The following MYH13 variants were observed in gnomAD, a reference collection of about 807,000 sequenced individuals.
MYH13 encodes the protein myosin heavy chain 13, also known as myosin-13.
MYH13 carries 177 observed loss-of-function variants against 232.1 expected under a neutral mutation model. That is an observed-to-expected ratio of 0.76 (90% CI 0.67 to 0.86). The LOEUF (loss-of-function observed/expected upper bound fraction) is 0.86. Among genes scored for constraint, MYH13 ranks in the 40% least tolerant of loss-of-function variants. The pLI is 0.00. For synonymous variants in MYH13, 884 were observed against 923.5 expected (o/e 0.96, Z 0.78); for missense variants, 2,246 against 2,405.9 (o/e 0.93, Z 1.39).
At chr17:10,366,170 C>T (rs1347941812) in intron 2 of MYH13, among the ~76,000 whole-genome samples, 1 of 151,942 alleles carries the variant, frequency 6.6e-6, no homozygotes, top group Non-Finnish European at 1.5e-5. Flanking sequence ...GACTGTTCCT[C>T]TTCTCAGAAT....
In MYH13 at chr17:10,340,173, A is replaced by G. The variant is rs1156801328; in HGVS notation, c.2033T>C (p.Ile678Thr). 6.2e-7 allele frequency: 1 copy of G among 1,613,888 alleles called. No individual in the cohort carries two copies. The highest frequency in any genetic ancestry group is 1.1e-5 in the South Asian group (1 of 91,024). ...ACCAGGAGTCTTGGTCTCATTGGGAATCAGACATCGTACAAAGTGAGGGTG... is the reference window on the plus strand; with the variant it reads ...ACCAGGAGTCTTGGTCTCATTGGGAGTCAGACATCGTACAAAGTGAGGGTG... ...STHPHFVRCLIPNETKTPGVM... is the reference protein window; with the variant it reads ...STHPHFVRCLTPNETKTPGVM... Residue 678 changes from isoleucine (I) to threonine (T), a missense_variant, in exon 18 of 41, where the codon ATT (isoleucine) becomes ACT (threonine). Transcript: ENST00000252172.
chr17:10,323,409 A>G (rs1907050990), intron 23 of MYH13, among the ~76,000 whole-genome samples: 1 of 152,096 alleles, frequency 6.6e-6, no homozygotes, highest in Non-Finnish European at 1.5e-5. Flanking sequence ...GAAGAAGAAT[A>G]TGAAACAGTC....
intron 18 of MYH13, among the ~76,000 whole-genome samples, chr17:10,334,794 G>A (rs1483403997): frequency 1.3e-5 from 2 of 152,124 alleles, no homozygotes; most frequent in Admixed American, 6.5e-5. Flanking sequence ...CAAGAGAATC[G>A]CTTGAACCCA....
In MYH13 at chr17:10,321,931, T is replaced by C. The variant is rs560444747; in HGVS notation, c.2935-223A>G. Among the ~76,000 whole-genome samples, 5 of 152,330 alleles carry C rather than the reference T, an allele frequency of 3.3e-5. No individual in the cohort carries two copies. The South Asian group carries it at 1.0e-3, about 32-fold the overall frequency. ...TAGGATTATTCATTTAAGGAGGGCA[T>C]TATATTTTACAAGGAAGGGCGCTTT... On this transcript the variant is annotated intron_variant, in intron 23 of 40. Transcript: ENST00000252172.
In MYH13 at chr17:10,340,352, G is replaced by T; in HGVS notation, c.1944C>A (p.Phe648Leu). 6.2e-7 allele frequency: 1 copy of T among 1,613,964 alleles called. No individual in the cohort carries two copies. The highest frequency in any genetic ancestry group is 1.7e-4 in the Middle Eastern group (1 of 6,060). Residue 648 changes from phenylalanine (F) to leucine (L), a missense_variant, in exon 17 of 41, where the codon TTC (phenylalanine) becomes TTA (leucine). By Grantham distance (22) the Phe-to-Leu change is conservative (BLOSUM62 0). Coordinates refer to ENST00000252172, the MANE Select transcript of MYH13 (RefSeq NM_003802.3). ...CCCTGAACACGGCCGACACGGTCTG[G>T]AAAGAGGAGCCCTTCTTCTTCCCGC... ...KKGGKKKGSSFQTVSAVFREN... is the reference protein window; with the variant it reads ...KKGGKKKGSSLQTVSAVFREN...
At position 10,357,799 on chromosome 17, in the gene MYH13, G is replaced by T. The variant is rs778748951; in HGVS notation, c.674C>A (p.Ala225Asp). The T allele has an allele frequency of 1.9e-6, 3 of 1,613,840 alleles. No individual in the cohort carries two copies. In the South Asian group the frequency reaches 3.3e-5, roughly 18 times the overall value. ...TCCAAAGGCCTCCAGCAGTGGGTTG[G>T]CCTGGATGATCTGATCCTCTAGGGT... is the stretch of plus-strand genomic sequence containing the variant. ...QGTLEDQIIQ[A>D]NPLLEAFGNA... is the part of the protein sequence containing the mutation. The change falls in exon 8 of 41, where the codon GCC becomes GAC. Residue 225 changes from alanine to aspartate, a missense_variant. Coordinates refer to ENST00000252172, the MANE Select transcript of MYH13 (RefSeq NM_003802.3).
chr17:10,336,986 C>T (rs1010086349), intron 18 of MYH13, among the ~76,000 whole-genome samples: 28 of 151,162 alleles, frequency 1.9e-4, no homozygotes, highest in Non-Finnish European at 3.2e-4. Context: ...GGTGCAGTCT[C>T]GGCTCACTGC....
intron 18 of MYH13, among the ~76,000 whole-genome samples, chr17:10,335,552 A>G (rs2071566767): frequency 1.3e-5 from 2 of 152,188 alleles, no homozygotes; most frequent in Admixed American, 1.3e-4. Flanking sequence ...CAGGAGTTCG[A>G]GACCACCCTG....
intron 35 of MYH13, 145 bp from the exon 36 acceptor site, chr17:10,307,209 G>A (rs1283686349): frequency 1.0e-6 from 1 of 988,388 alleles, no homozygotes; most frequent in Non-Finnish European, 1.4e-6. Flanking sequence ...GTACAGTACT[G>A]TACATTCTTT....
At chr17:10,345,746 GCA>G (rs2071659319) in intron 13 of MYH13, 130 bp from the exon 14 acceptor site, 1 of 1,507,114 alleles carries the variant, frequency 6.6e-7, no homozygotes, top group Non-Finnish European at 9.1e-7. Flanking sequence ...TGTAATCCCA[GCA>G]CTTTGGGAGG....
In MYH13 at chr17:10,323,925, T is replaced by A; in HGVS notation, c.2934+97A>T. 3.4e-6 allele frequency: 5 copies of A among 1,489,376 alleles called. No homozygotes were observed. The Admixed American group carries it at 1.1e-4, about 34-fold the overall frequency. 92.3% of individuals were successfully genotyped at this position (1,489,376 alleles called of 1,614,324 possible). On this transcript the variant is annotated intron_variant, in intron 23 of 40. Transcript: ENST00000252172. ...CCAGCCTCTCATTTCTGGGCAATGT[T>A]ATATTGACTGGACTCCTACGCCACC...
At chr17:10,313,014 C>T in intron 30 of MYH13, 144 bp downstream of exon 30, 2 of 1,364,458 alleles carry the variant, frequency 1.5e-6, no homozygotes, top group Non-Finnish European at 2.0e-6. Flanking sequence ...ACAGGGAGAC[C>T]CCCAGAGGGT....
intron 27 of MYH13, among the ~76,000 whole-genome samples, chr17:10,317,008 C>T (rs547256342): frequency 1.3e-5 from 2 of 152,244 alleles, no homozygotes; most frequent in South Asian, 2.1e-4. Flanking sequence ...AGTTGAAACG[C>T]GATGGCAGCT....
intron 12 of MYH13, 38 bp from the exon 13 acceptor site, chr17:10,346,836 G>A: frequency 6.7e-7 from 1 of 1,503,354 alleles, no homozygotes; most frequent in Non-Finnish European, 9.2e-7. Context: ...TGCAAAAACA[G>A]TAGCTGCTAA....
At position 10,306,220 on chromosome 17, in the gene MYH13, A is replaced by G. The variant is rs959626330; in HGVS notation, c.5466+239T>C. 2.3e-5 allele frequency among the ~76,000 whole-genome samples: 3 copies of G among 129,944 alleles called. No homozygotes were observed. Among genetic ancestry groups the G allele is most frequent in the African/African-American group, 8.7e-5 (3 of 34,444 alleles). 85.2% of individuals were successfully genotyped at this position (129,944 alleles called of 152,430 possible). A position where few individuals can be genotyped will look rare whatever the true frequency, so the allele number is the denominator to read the frequency against. On this transcript the variant is annotated intron_variant, in intron 37 of 40. Transcript: ENST00000252172. This position sits in a 1 kb window ranked among gnomAD's most constrained non-coding sequence, Gnocchi z 4.3. ...CTGAGGTGTGAGCATACCAAAATAG[A>G]TGTGTGTGTGTGTGTGTGTGTGTGT...
chr17:10,358,657 T>G (rs2071767830), intron 7 of MYH13, among the ~76,000 whole-genome samples: 1 of 152,038 alleles, frequency 6.6e-6, no homozygotes, highest in Non-Finnish European at 1.5e-5. Context: ...CTTGGAAGGC[T>G]GAAGGATGAT....
At chr17:10,315,627 CA>C in intron 29 of MYH13, 65 bp downstream of exon 29, 1 of 1,416,710 alleles carries the variant, frequency 7.1e-7, no homozygotes, top group Non-Finnish European at 9.8e-7. Flanking sequence ...CTGCTCTGAC[CA>C]GCTTCACGGG....
At chr17:10,308,211 C>A (rs1906357014) in intron 35 of MYH13, among the ~76,000 whole-genome samples, 3 of 151,682 alleles carry the variant, frequency 2.0e-5, no homozygotes, top group Non-Finnish European at 4.4e-5. Context: ...GTAATCCCAG[C>A]TACTCAGGAG....
intron 18 of MYH13, among the ~76,000 whole-genome samples, chr17:10,336,755 C>T (rs1039513638): frequency 6.6e-6 from 1 of 152,278 alleles, no homozygotes; most frequent in Admixed American, 6.5e-5. Flanking sequence ...CTTGGCAATG[C>T]TGAACCTGCT....
Sources: allele counts gnomAD v4.1 joint callset (sites outside exome capture counted in the v4.1 genomes callset), GRCh38; gene constraint gnomAD v4.1.1; non-coding constraint Gnocchi (gnomAD v3.1); transcripts MANE v1.5; gene names NCBI Gene and HGNC (gene_info 2026-07-23, HGNC 2026-07-21).